The following MTMR8 variants were observed in gnomAD, a reference collection of about 807,000 sequenced individuals.
MTMR8 encodes the protein myotubularin related protein 8, also known as phosphatidylinositol-3,5-bisphosphate 3-phosphatase MTMR8.
MTMR8 carries 65 observed loss-of-function variants against 39.3 expected under a neutral mutation model. That is an observed-to-expected ratio of 1.65 (90% CI 1.35 to 2.03). The LOEUF (loss-of-function observed/expected upper bound fraction) is 2.03. Among genes scored for constraint, MTMR8 ranks in the 30% most tolerant of loss-of-function variants. The pLI is 0.00. For missense variants in MTMR8, 777 were observed against 538.9 expected (o/e 1.44, Z -4.37); for synonymous variants, 245 against 185.2 (o/e 1.32, Z -2.62).
At chrX:64,294,712 C>A (rs1449697226) in intron 12 of MTMR8, among the ~76,000 whole-genome samples, 1 of 111,792 alleles carries the variant, frequency 8.9e-6, no homozygotes, top group Non-Finnish European at 1.9e-5. Context: ...TCATAGATGA[C>A]TGTCTTTTTG....
At chrX:64,273,427 T>TA (rs772360352) in intron 12 of MTMR8, among the ~76,000 whole-genome samples, 12,740 of 98,810 alleles carry the variant, frequency 0.13, 2,023 homozygotes, top group African/African-American at 0.43. Context: ...CTACAGAAGT[T>TA]AAAAAAAAAA....
chrX:64,320,468 A>C (rs1260366795), intron 12 of MTMR8, among the ~76,000 whole-genome samples: 1 of 110,604 alleles, frequency 9.0e-6, no homozygotes, highest in Non-Finnish European at 1.9e-5. Context: ...GTAGCTCCCT[A>C]AGGTATGGGC....
intron 13 of MTMR8, 69 bp from the exon 14 acceptor site, chrX:64,269,112 G>A (rs1233421930): frequency 1.9e-6 from 2 of 1,035,599 alleles, no homozygotes; most frequent in African/African-American, 3.8e-5. Flanking sequence ...ACATTACCTT[G>A]ATCTGCAGAG....
intron 10 of MTMR8, among the ~76,000 whole-genome samples, chrX:64,333,188 T>C (rs961890624): frequency 1.4e-4 from 16 of 112,004 alleles, no homozygotes; most frequent in Middle Eastern, 4.6e-3. Flanking sequence ...AAATTGAGTC[T>C]CCACATTCAG....
intron 12 of MTMR8, chrX:64,305,567 A>G: frequency 2.2e-6 from 1 of 464,675 alleles, no homozygotes; most frequent in Non-Finnish European, 4.0e-6. Flanking sequence ...CAATTCCAGT[A>G]GCCATGTTGC....
intron 10 of MTMR8, among the ~76,000 whole-genome samples, chrX:64,333,194 T>C (rs1222822064): frequency 8.9e-6 from 1 of 111,970 alleles, no homozygotes; most frequent in African/African-American, 3.2e-5. Context: ...AGTCTCCACA[T>C]TCAGCTGTGT....
rs111967360 is a variant in MTMR8 at position 64,305,569 on chromosome X, C to A, written c.1481+23203G>T. The A allele has an allele frequency of 4.1e-3, 1,910 of 466,519 alleles. 29 individuals are homozygous for A. Among genetic ancestry groups the A allele is most frequent in the African/African-American group, 0.032 (1,350 of 41,939 alleles). The allele number at this position is 466,519 out of a possible 1,213,427, so 38.4% of individuals were successfully genotyped here. A position where few individuals can be genotyped will look rare whatever the true frequency, so the allele number is the denominator to read the frequency against. ...TCTGTTTGCTCTTCAATTCCAGTAG[C>A]CATGTTGCTCACAGCTTGAGGTGCA... is the stretch of plus-strand genomic sequence containing the variant. On this transcript the variant is annotated intron_variant, in intron 12 of 13. Transcript: ENST00000374852.
intron 6 of MTMR8, 44 bp downstream of exon 6, chrX:64,348,616 T>C: frequency 8.3e-7 from 1 of 1,200,748 alleles, no homozygotes; most frequent in Non-Finnish European, 1.1e-6. Context: ...GGAGGTAGAA[T>C]GCAAGAGGCA....
rs747142752 is a variant in MTMR8, at chrX:64,297,422, G to A, written c.1482-26349C>T. On this transcript the variant is annotated intron_variant, in intron 12 of 13. Transcript: ENST00000374852. ...TCATGTCCTTCACCCACTTTTTGATGGGGTTGTTTGTTTTTTTCTTGTAAA... is the reference window on the plus strand; with the variant it reads ...TCATGTCCTTCACCCACTTTTTGATAGGGTTGTTTGTTTTTTTCTTGTAAA... Among the ~76,000 whole-genome samples the A allele has an allele frequency of 2.0e-4, 20 of 97,926 alleles. No individual in the cohort carries two copies. The South Asian group carries it at 0.01, about 49-fold the overall frequency. The allele number at this position is 97,926 out of a possible 115,157, so 85.0% of individuals were successfully genotyped here.
chrX:64,367,393 T>C (rs1923999261), intron 1 of MTMR8, among the ~76,000 whole-genome samples: 1 of 111,790 alleles, frequency 8.9e-6, no homozygotes, highest in South Asian at 3.8e-4. Context: ...CAGCAGCACA[T>C]CAAAAACCTT....
In MTMR8 at chrX:64,339,312, G is replaced by C. The variant is rs186068408; in HGVS notation, c.976-1919C>G. Among the ~76,000 whole-genome samples the C allele has an allele frequency of 2.3e-4, 26 of 111,649 alleles. No individual in the cohort carries two copies. The East Asian group carries it at 5.4e-3, about 23-fold the overall frequency. On this transcript the variant is annotated intron_variant, in intron 8 of 13. Coordinates refer to ENST00000374852, the MANE Select transcript of MTMR8 (RefSeq NM_017677.4). ...GTAAAAAGAGAGCCAGGAGGGAATA[G>C]TTGGATAAAAGTCAGGACTACAAAA...
chrX:64,371,969 AAAGTT>A (rs1414691651), intron 1 of MTMR8, among the ~76,000 whole-genome samples: 1 of 109,312 alleles, frequency 9.1e-6, no homozygotes, highest in Non-Finnish European at 1.9e-5. Flanking sequence ...AATAAATTTA[AAAGTT>A]AAGTAAAAAT....
At chrX:64,332,566 T>C (rs1922970934) in intron 10 of MTMR8, among the ~76,000 whole-genome samples, 1 of 112,072 alleles carries the variant, frequency 8.9e-6, no homozygotes, top group African/African-American at 3.2e-5. Flanking sequence ...CAAGCTACTA[T>C]TCTTTTCATG....
At chrX:64,375,155 G>A (rs769541014) in intron 1 of MTMR8, among the ~76,000 whole-genome samples, 3 of 109,771 alleles carry the variant, frequency 2.7e-5, no homozygotes, top group African/African-American at 6.6e-5. Flanking sequence ...GAGCCCAGGA[G>A]TTTGAGACCA....
intron 12 of MTMR8, among the ~76,000 whole-genome samples, chrX:64,284,659 G>A (rs1023014047): frequency 5.4e-5 from 6 of 111,528 alleles, no homozygotes; most frequent in East Asian, 2.8e-4. Flanking sequence ...AAGAGAGTGG[G>A]GGCCAATATT....
At chrX:64,305,191 T>C (rs1922064301) in intron 12 of MTMR8, 1 of 191,963 alleles carries the variant, frequency 5.2e-6, no homozygotes, top group Non-Finnish European at 1.0e-5. Context: ...TTTGTAGATG[T>C]CTCCATTTTT....
intron 11 of MTMR8, among the ~76,000 whole-genome samples, chrX:64,330,617 T>C (rs1339730292): frequency 9.0e-6 from 1 of 111,668 alleles, no homozygotes; most frequent in Non-Finnish European, 1.9e-5. Context: ...AAAGTACTTA[T>C]GTCTCATATA....
Position 64,270,945 on chromosome X carries a change from A to C in MTMR8, c.1608+2T>G, listed in dbSNP as rs949140055. 8.3e-7 allele frequency: 1 copy of C among 1,205,341 alleles called. No individual in the cohort carries two copies. The highest frequency in any genetic ancestry group is 1.1e-6 in the Non-Finnish European group (1 of 893,518). ...ATCTCTCTTTGGGACTTTTCTCCTC[A>C]CCTTTTCTAGTTCATGCACATCTGT... On this transcript the variant is annotated splice_donor_variant, in intron 13 of 13. Transcript: ENST00000374852. LOFTEE classifies it high-confidence loss of function.
At chrX:64,387,199 G>A (rs759191122) in intron 1 of MTMR8, among the ~76,000 whole-genome samples, 1 of 111,599 alleles carries the variant, frequency 9.0e-6, no homozygotes, top group South Asian at 3.8e-4. Context: ...GAAAGAAATG[G>A]TCAAGGGATG....
Sources: gnomAD v4.1 joint callset for allele counts (sites outside exome capture counted in the v4.1 genomes callset) on GRCh38, gnomAD v4.1.1 for gene constraint, MANE v1.5 for transcripts, NCBI Gene and HGNC (gene_info 2026-07-23, HGNC 2026-07-21) for gene names.